Variants in EBF1 observed in about 807,000 individuals in gnomAD.
EBF1 encodes the protein transcription factor COE1.
EBF1 carries 10 observed loss-of-function variants against 68.4 expected under a neutral mutation model. The observed-to-expected ratio is 0.15, with a 90% confidence interval of 0.09 to 0.25. The LOEUF is 0.25. Among genes scored for constraint, EBF1 ranks in the 10% least tolerant of loss-of-function variants. The pLI, the probability that EBF1 is intolerant of heterozygous loss-of-function variation, is 1.00. For missense variants in EBF1, 509 were observed against 794.4 expected (o/e 0.64, Z 4.32); for synonymous variants, 298 against 299.8 (o/e 0.99, Z 0.06).
At chr5:158,703,691 G>T (rs1757248087) in intron 15 of EBF1, among the ~76,000 whole-genome samples, 1 of 150,786 alleles carries the variant, frequency 6.6e-6, no homozygotes, top group Admixed American at 6.6e-5. Context: ...AATCATGATA[G>T]AATCTGTGAA....
At chr5:158,777,708 A>G (rs1173053301) in intron 9 of EBF1, among the ~76,000 whole-genome samples, 169 bp from the exon 10 acceptor site, 1 of 152,208 alleles carries the variant, frequency 6.6e-6, no homozygotes, top group African/African-American at 2.4e-5. Context: ...ATATTTACAA[A>G]TGCTCTGAGT....
chr5:158,742,765 G>A (rs1206044880), intron 10 of EBF1, among the ~76,000 whole-genome samples: 2 of 152,078 alleles, frequency 1.3e-5, no homozygotes, highest in African/African-American at 4.8e-5. Context: ...ACCACCTCTG[G>A]TTCTCAAATA....
chr5:159,044,469 C>T lies in EBF1; in HGVS notation c.554+28927G>A, dbSNP rs34343704. The stretch of plus-strand genomic sequence containing the variant: ...GTGTGTTCTGTCTCACAAGAGAATC[C>T]TAGCTGGTGTGTAGGAGTGGAGGAA... On this transcript the variant is annotated intron_variant, in intron 6 of 15. Coordinates refer to ENST00000313708, the MANE Select transcript of EBF1 (RefSeq NM_024007.5). Among the ~76,000 whole-genome samples the T allele has an allele frequency of 9.7e-3, 1,471 of 152,178 alleles. 18 individuals carry two copies. The highest frequency in any genetic ancestry group is 0.034 in the African/African-American group (1,400 of 41,534).
intron 10 of EBF1, among the ~76,000 whole-genome samples, chr5:158,757,649 T>C: frequency 6.6e-6 from 1 of 152,166 alleles, no homozygotes; most frequent in East Asian, 1.9e-4. Flanking sequence ...AGTGTAAAAG[T>C]CCTGCCTTTG....
chr5:158,946,371 T>A (rs769511096), intron 6 of EBF1, among the ~76,000 whole-genome samples: 6 of 152,196 alleles, frequency 3.9e-5, no homozygotes, highest in Non-Finnish European at 7.4e-5. Context: ...AGTTTTTGCT[T>A]GGTCGTCCTT....
At chr5:159,040,499 G>A (rs370193628) in intron 6 of EBF1, among the ~76,000 whole-genome samples, 12 of 152,014 alleles carry the variant, frequency 7.9e-5, no homozygotes, top group South Asian at 4.1e-4. Flanking sequence ...TTTTAGTTTC[G>A]TCTGAAGCCA....
At chr5:159,072,159 T>G (rs1292236984) in intron 6 of EBF1, among the ~76,000 whole-genome samples, 1 of 152,172 alleles carries the variant, frequency 6.6e-6, no homozygotes, top group Non-Finnish European at 1.5e-5. Context: ...AATACTCTTA[T>G]ATGGAGCAAA....
chr5:158,703,823 G>A (rs932373373), intron 15 of EBF1, among the ~76,000 whole-genome samples: 69 of 152,098 alleles, frequency 4.5e-4, no homozygotes, highest in African/African-American at 1.6e-3. Flanking sequence ...AATCCCACTT[G>A]TTCCTCCTTG....
chr5:158,744,685 TATC>T (rs962718145), intron 10 of EBF1, among the ~76,000 whole-genome samples: 1 of 152,194 alleles, frequency 6.6e-6, no homozygotes, highest in African/African-American at 2.4e-5. Flanking sequence ...TAGCTTAGCT[TATC>T]ATAAGAGCCA....
intron 6 of EBF1, among the ~76,000 whole-genome samples, chr5:158,997,468 T>C (rs1761649969): frequency 6.6e-6 from 1 of 152,200 alleles, no homozygotes; most frequent in African/African-American, 2.4e-5. Flanking sequence ...CTCCGTCTAC[T>C]CCTCAATTCC....
chr5:159,097,362 T>C, intron 1 of EBF1: 2 of 550,338 alleles, frequency 3.6e-6, no homozygotes, highest in Non-Finnish European at 6.4e-6. Context: ...CAGAACTCGC[T>C]GAAGAGGTGT....
chr5:158,724,589 C>T (rs1490502916), intron 11 of EBF1, among the ~76,000 whole-genome samples: 1 of 152,076 alleles, frequency 6.6e-6, no homozygotes, highest in East Asian at 1.9e-4. Flanking sequence ...TTTATTTTGC[C>T]CCAGCTCTGT....
At chr5:158,912,487 T>TA (rs778807758) in intron 6 of EBF1, among the ~76,000 whole-genome samples, 4 of 152,302 alleles carry the variant, frequency 2.6e-5, no homozygotes, top group Middle Eastern at 3.4e-3. Flanking sequence ...TGCTGGATCA[T>TA]AAAAATCACC....
chr5:158,783,863 C>A (rs1776899782), intron 9 of EBF1, among the ~76,000 whole-genome samples: 1 of 152,176 alleles, frequency 6.6e-6, no homozygotes, highest in Non-Finnish European at 1.5e-5. Context: ...AGGCAGCCTG[C>A]AAAGTCTGGA....
At chr5:158,737,266 A>ATTTGTTTT (rs1765388751) in intron 10 of EBF1, among the ~76,000 whole-genome samples, 1 of 55,600 alleles carries the variant, frequency 1.8e-5, no homozygotes, top group Non-Finnish European at 3.0e-5. Context: ...ACATGCCCTG[A>ATTTGTTTT]TTTTTTTTTT....
chr5:159,051,294 C>T (rs1040435289), intron 6 of EBF1, among the ~76,000 whole-genome samples: 8 of 151,928 alleles, frequency 5.3e-5, no homozygotes, highest in South Asian at 4.1e-4. Flanking sequence ...CATCCTTTTC[C>T]TGGTTCCCCT....
chr5:158,940,497 A>G (rs1813005341), intron 6 of EBF1, among the ~76,000 whole-genome samples: 1 of 152,120 alleles, frequency 6.6e-6, no homozygotes. Flanking sequence ...AAGAGGTAAA[A>G]TAACTTCCCC....
chr5:158,811,645 A>G (rs141722250), intron 8 of EBF1, among the ~76,000 whole-genome samples: 1 of 152,342 alleles, frequency 6.6e-6, no homozygotes, highest in Non-Finnish European at 1.5e-5. Flanking sequence ...AACAACCGCT[A>G]TCGTAACAGT....
intron 6 of EBF1, among the ~76,000 whole-genome samples, chr5:158,941,001 T>C (rs900340740): frequency 6.6e-6 from 1 of 152,186 alleles, no homozygotes; most frequent in Non-Finnish European, 1.5e-5. Context: ...GAGCAGACTT[T>C]AATTGAAAAT....
Sources: gnomAD v4.1 joint callset for allele counts (sites outside exome capture counted in the v4.1 genomes callset) on GRCh38, gnomAD v4.1.1 for gene constraint, MANE v1.5 for transcripts, NCBI Gene and HGNC (gene_info 2026-07-23, HGNC 2026-07-21) for gene names.